LIN7A: variants seen among roughly 807,000 people sequenced by gnomAD.
LIN7A encodes the protein lin-7 cell polarity scaffold A.
Under a neutral mutation model 29.8 loss-of-function variants are expected in LIN7A, and 25 were observed. The observed-to-expected ratio is 0.84, with a 90% CI of 0.61 to 1.17. The LOEUF (loss-of-function observed/expected upper bound fraction) is 1.17, where lower values mean the gene tolerates loss of function less well. Ranked by LOEUF, LIN7A falls within the 50% of genes most tolerant of loss-of-function variation. The probability of loss-of-function intolerance (pLI) is 0.00; values close to 1 mark genes in which losing one functional copy is unlikely to be tolerated. For synonymous variants in LIN7A, 118 were observed against 107.5 expected, an observed-to-expected ratio of 1.10 and a Z score of -0.60; for missense variants, 239 against 287.0, an observed-to-expected ratio of 0.83 and a Z score of 1.21.
At chr12:80,882,712 T>A (rs904823885) in intron 2 of LIN7A, among the ~76,000 whole-genome samples, 2 of 152,254 alleles carry the variant, frequency 1.3e-5, no homozygotes, top group African/African-American at 2.4e-5. Context: ...TAGCTTTTTA[T>A]CACTTAATCC....
chr12:80,882,931 T>C (rs182960349), intron 2 of LIN7A, among the ~76,000 whole-genome samples: 1 of 152,280 alleles, frequency 6.6e-6, no homozygotes, highest in African/African-American at 2.4e-5. Flanking sequence ...GATTACAAAA[T>C]GATGTGGTCA....
At chr12:80,842,158 C>T (rs1324152346) in intron 4 of LIN7A, 8 of 1,274,214 alleles carry the variant, frequency 6.3e-6, no homozygotes, top group Non-Finnish European at 8.2e-6. Context: ...TGTTCAATTG[C>T]TGTATTTTGT....
chr12:80,882,859 T>C (rs144429739), intron 2 of LIN7A, among the ~76,000 whole-genome samples: 24 of 152,298 alleles, frequency 1.6e-4, no homozygotes, highest in Non-Finnish European at 2.8e-4. Flanking sequence ...TATTGTCTTA[T>C]TTTATCTTAA....
At chr12:80,842,542 C>A (rs1262929738) in intron 4 of LIN7A, among the ~76,000 whole-genome samples, 1 of 152,120 alleles carries the variant, frequency 6.6e-6, no homozygotes. Flanking sequence ...CATATTTAAT[C>A]TCCTGAAATT....
At chr12:80,863,673 T>C (rs1325122881) in intron 2 of LIN7A, among the ~76,000 whole-genome samples, 1 of 152,226 alleles carries the variant, frequency 6.6e-6, no homozygotes, top group Non-Finnish European at 1.5e-5. Context: ...GTCTATATGA[T>C]GTGGCATTTT....
At chr12:80,812,644 TG>T (rs1401394041) in intron 4 of LIN7A, among the ~76,000 whole-genome samples, 1 of 152,074 alleles carries the variant, frequency 6.6e-6, no homozygotes, top group Non-Finnish European at 1.5e-5. Context: ...CTCCGCCTCC[TG>T]GGTTCAAGAG....
intron 2 of LIN7A, among the ~76,000 whole-genome samples, chr12:80,881,408 G>A (rs1269095720): frequency 6.6e-6 from 1 of 152,148 alleles, no homozygotes; most frequent in Admixed American, 6.5e-5. Flanking sequence ...AATGTCAGAT[G>A]CATTTTCATT....
chr12:80,857,622 T>A (rs1873668326), intron 2 of LIN7A, among the ~76,000 whole-genome samples: 1 of 152,190 alleles, frequency 6.6e-6, no homozygotes, highest in Non-Finnish European at 1.5e-5. Context: ...TATAGAAAAG[T>A]CAAATTGAAA....
intron 4 of LIN7A, among the ~76,000 whole-genome samples, chr12:80,813,717 A>G (rs1418476138): frequency 6.6e-6 from 1 of 152,170 alleles, no homozygotes; most frequent in East Asian, 1.9e-4. Context: ...GAGAAGCAAA[A>G]AGAAGAAAGT....
chr12:80,891,312 T>C (rs1242181506), intron 1 of LIN7A, among the ~76,000 whole-genome samples: 1 of 152,200 alleles, frequency 6.6e-6, no homozygotes, highest in Non-Finnish European at 1.5e-5. Context: ...AAACCTTCCC[T>C]GGCTTCCCAT....
At chr12:80,874,957 C>T (rs569538569) in intron 2 of LIN7A, among the ~76,000 whole-genome samples, 43 of 152,292 alleles carry the variant, frequency 2.8e-4, no homozygotes, top group African/African-American at 8.9e-4. Flanking sequence ...GCCGAGATGG[C>T]GCCACTGCAC....
intron 1 of LIN7A, among the ~76,000 whole-genome samples, chr12:80,908,669 A>AT (rs1189359217): frequency 6.6e-6 from 1 of 152,088 alleles, no homozygotes; most frequent in African/African-American, 2.4e-5. Context: ...AAAAGGTGAT[A>AT]TTTTTAAAAA....
chr12:80,863,647 A>C (rs1873987316), intron 2 of LIN7A, among the ~76,000 whole-genome samples: 1 of 152,224 alleles, frequency 6.6e-6, no homozygotes, highest in Admixed American at 6.5e-5. Flanking sequence ...AACATGTGAA[A>C]ACATATCTTG....
In LIN7A at chr12:80,853,542, C is replaced by T. The variant is rs555474242; in HGVS notation, c.202-5220G>A. 1.7e-3 allele frequency among the ~76,000 whole-genome samples: 251 copies of T among 151,772 alleles called. 4 individuals are homozygous for T. Among genetic ancestry groups the T allele is most frequent in the Non-Finnish European group, 2.2e-3 (150 of 67,958 alleles). ...ATTATCATGGAAGATATATGGGTAG[C>T]AAATATGAAAAGATACTCAACATCA... On this transcript the variant is annotated intron_variant, in intron 2 of 5. Coordinates refer to ENST00000552864, the MANE Select transcript of LIN7A (RefSeq NM_004664.4).
At chr12:80,835,950 G>A (rs1196044608) in intron 4 of LIN7A, among the ~76,000 whole-genome samples, 2 of 151,922 alleles carry the variant, frequency 1.3e-5, no homozygotes, top group East Asian at 3.9e-4. Flanking sequence ...TCCTAGTCAA[G>A]TGATTTAAGG....
chr12:80,807,085 T>G (rs1051784859), intron 5 of LIN7A, among the ~76,000 whole-genome samples: 1 of 141,436 alleles, frequency 7.1e-6, no homozygotes. Context: ...TTTTTTTTTT[T>G]TTTTTTGACG....
chr12:80,911,430 G>A (rs944771825), intron 1 of LIN7A, among the ~76,000 whole-genome samples: 1 of 151,734 alleles, frequency 6.6e-6, no homozygotes, highest in Non-Finnish European at 1.5e-5. Flanking sequence ...ATGCAAGCTT[G>A]GAGGTTGGGT....
chr12:80,804,540 AT>A (rs35579064), intron 5 of LIN7A, among the ~76,000 whole-genome samples: 17,021 of 145,088 alleles, frequency 0.12, 1,007 homozygotes, highest in East Asian at 0.19. Flanking sequence ...AAATTACTGA[AT>A]TTTTTTTTTT....
intron 2 of LIN7A, among the ~76,000 whole-genome samples, chr12:80,871,467 T>A (rs889943402): frequency 6.6e-6 from 1 of 152,138 alleles, no homozygotes; most frequent in Non-Finnish European, 1.5e-5. Flanking sequence ...AATTAAATAG[T>A]TTTATATATT....
Sources: allele counts gnomAD v4.1 joint callset (sites outside exome capture counted in the v4.1 genomes callset), GRCh38; gene constraint gnomAD v4.1.1; transcripts MANE v1.5; gene names NCBI Gene and HGNC (gene_info 2026-07-23, HGNC 2026-07-21).